OR1L8: variants seen among roughly 807,000 people sequenced by gnomAD.
OR1L8 encodes the protein olfactory receptor 1L8.
For missense variants in OR1L8, 330 were observed against 377.4 expected (o/e 0.87, Z 1.04); for synonymous variants, 148 against 147.0 (o/e 1.01, Z -0.05).
the OR1L8 span, among the ~76,000 whole-genome samples, chr9:122,549,953 A>G: frequency 2.6e-5 from 4 of 152,130 alleles, no homozygotes; most frequent in African/African-American, 9.7e-5. Context: ...TTTGGGCAGC[A>G]TGGTAATTTT....
chr9:122,575,709 A>G (rs1829641096), intron 3 of OR1L8, among the ~76,000 whole-genome samples: 1 of 152,212 alleles, frequency 6.6e-6, no homozygotes, highest in African/African-American at 2.4e-5. Flanking sequence ...GGTTATTATT[A>G]TGAAGCAGAT....
chr9:122,568,767 T>C (rs1263333691), intron 4 of OR1L8, 78 bp from the exon 5 acceptor site: 2 of 297,934 alleles, frequency 6.7e-6, no homozygotes, highest in African/African-American at 4.3e-5. Context: ...GTATTTCCTA[T>C]TCTGTGAAAA....
chr9:122,553,608 C>T, the OR1L8 span: 2 of 1,614,138 alleles, frequency 1.2e-6, no homozygotes, highest in Non-Finnish European at 1.7e-6. Context: ...CTGCCAACCA[C>T]TCCATTACAG....
At chr9:122,552,749 AGTGTGTGTGTGTGTGTGTGTGTGT>A in the OR1L8 span, among the ~76,000 whole-genome samples, 16 of 129,700 alleles carry the variant, frequency 1.2e-4, no homozygotes, top group Non-Finnish European at 1.9e-4. Context: ...AGAGGGCTTG[AGTGTGTGTGTGTGTGTGTGTGTGT>A]GTGTGTGTGT....
rs757853790 is a variant in OR1L8 at position 122,567,771 on chromosome 9, C to T, written c.707G>A (p.Arg236His). ...AAAACCACAGGTGGAGAAGGCTTTG[C>T]GTTTCCCAGAAGTAGAGGGAATCTT... ...VLKIPSTSGK[R>H]KAFSTCGFYL... The change falls in exon 5 of 5, where the codon CGC becomes CAC. Residue 236 changes from arginine (R) to histidine (H), a missense_variant. Arg to His is a conservative substitution (Grantham distance 29). Coordinates refer to ENST00000641027, the MANE Select transcript of OR1L8 (RefSeq NM_001004454.2). 29 of 1,613,772 alleles carry T rather than the reference C, an allele frequency of 1.8e-5. No homozygotes were observed. The highest frequency in any genetic ancestry group is 3.3e-4 in the Middle Eastern group (2 of 6,084).
chr9:122,578,236 G>A (rs1588219936), intron 2 of OR1L8, 88 bp downstream of exon 2: 1 of 152,312 alleles, frequency 6.6e-6, no homozygotes, highest in East Asian at 1.9e-4. Context: ...GAATCATGAG[G>A]TCAGGAGTTT....
intron 3 of OR1L8, among the ~76,000 whole-genome samples, chr9:122,576,205 T>A (rs753987477): frequency 6.6e-5 from 10 of 151,882 alleles, no homozygotes; most frequent in Non-Finnish European, 8.8e-5. Flanking sequence ...TGTCTACATG[T>A]AACATTTTCT....
At chr9:122,575,658 T>C (rs1178152724) in intron 3 of OR1L8, among the ~76,000 whole-genome samples, 1 of 152,180 alleles carries the variant, frequency 6.6e-6, no homozygotes, top group African/African-American at 2.4e-5. Context: ...ATATTTGAGG[T>C]TTACAGCATG....
downstream of OR1L8, among the ~76,000 whole-genome samples, chr9:122,562,117 G>A (rs1304713794): frequency 6.6e-6 from 1 of 152,212 alleles, no homozygotes; most frequent in African/African-American, 2.4e-5. Flanking sequence ...CACTCTGGCT[G>A]CAGTCTGCCA....
the OR1L8 span, among the ~76,000 whole-genome samples, chr9:122,556,836 T>C: frequency 2.0e-5 from 3 of 152,182 alleles, no homozygotes; most frequent in Admixed American, 6.5e-5. Context: ...ATTAATCAAG[T>C]TGGGAAGAAT....
At chr9:122,549,545 G>A in the OR1L8 span, among the ~76,000 whole-genome samples, 7 of 152,136 alleles carry the variant, frequency 4.6e-5, no homozygotes, top group Non-Finnish European at 8.8e-5. Flanking sequence ...TGTATATGGT[G>A]AGAAATATGG....
intron 1 of OR1L8, among the ~76,000 whole-genome samples, chr9:122,581,360 G>A (rs911694308): frequency 1.3e-5 from 2 of 151,290 alleles, no homozygotes; most frequent in Non-Finnish European, 2.9e-5. Flanking sequence ...GCAAGACTCC[G>A]TCTCAAAACA....
At chr9:122,577,610 T>TC (rs1311588132) in intron 2 of OR1L8, among the ~76,000 whole-genome samples, 1 of 152,208 alleles carries the variant, frequency 6.6e-6, no homozygotes, top group African/African-American at 2.4e-5. Context: ...TACCATTTTT[T>TC]CACCAATCAT....
chr9:122,552,037 A>ACACTCTCTCTCTCTCTCT, the OR1L8 span, among the ~76,000 whole-genome samples: 23 of 16,944 alleles, frequency 1.4e-3, no homozygotes, highest in Non-Finnish European at 4.0e-4. Context: ...TAGGACACAT[A>ACACTCTCTCTCTCTCTCT]CACACACACA....
chr9:122,553,537 T>A, the OR1L8 span: 2 of 1,614,136 alleles, frequency 1.2e-6, no homozygotes, highest in Non-Finnish European at 1.7e-6. Context: ...TTCCTCCTTA[T>A]GTTTGGTGGC....
downstream of OR1L8, among the ~76,000 whole-genome samples, chr9:122,564,904 C>T (rs1034696667): frequency 1.3e-5 from 2 of 152,204 alleles, no homozygotes; most frequent in Admixed American, 6.5e-5. Context: ...ACCACTTGTC[C>T]TTCCACAAGA....
downstream of OR1L8, among the ~76,000 whole-genome samples, chr9:122,563,184 ATT>A (rs61467780): frequency 1.3e-4 from 19 of 149,442 alleles, no homozygotes; most frequent in East Asian, 3.9e-4. Context: ...AGCATTTGTT[ATT>A]TTTTTTTTTG....
intron 4 of OR1L8, 102 bp from the exon 5 acceptor site, chr9:122,568,791 G>A: frequency 4.2e-6 from 1 of 238,458 alleles, no homozygotes; most frequent in Non-Finnish European, 8.1e-6. Context: ...CTATTCACCT[G>A]CCGGGGACAT....
chr9:122,580,345 C>T (rs537764318), intron 1 of OR1L8, among the ~76,000 whole-genome samples: 47 of 152,290 alleles, frequency 3.1e-4, no homozygotes, highest in South Asian at 6.2e-4. Flanking sequence ...TAGCCTTCGA[C>T]GTACAGGATG....
Sources: gnomAD v4.1 joint callset for allele counts (sites outside exome capture counted in the v4.1 genomes callset) on GRCh38, gnomAD v4.1.1 for gene constraint, MANE v1.5 for transcripts, NCBI Gene and HGNC (gene_info 2026-07-23, HGNC 2026-07-21) for gene names.